JPH1: variants seen among roughly 807,000 people sequenced by gnomAD.
JPH1 encodes junctophilin 1.
JPH1 carries 12 observed loss-of-function variants against 53.6 expected under a neutral mutation model. That is an observed-to-expected ratio of 0.22 (90% CI 0.14 to 0.36). JPH1 has a LOEUF of 0.36. Among genes scored for constraint, JPH1 ranks in the 10% least tolerant of loss-of-function variants. JPH1 has a pLI of 1.00. For missense variants in JPH1, 808 were observed against 905.5 expected (o/e 0.89, Z 1.38); for synonymous variants, 375 against 363.8 (o/e 1.03, Z -0.35).
chr8:74,286,948 T>A (rs572091612), intron 2 of JPH1, among the ~76,000 whole-genome samples: 1 of 152,250 alleles, frequency 6.6e-6, no homozygotes, highest in Admixed American at 6.5e-5. Context: ...GAAAAAATAA[T>A]CAAGGCAGGC....
intron 3 of JPH1, among the ~76,000 whole-genome samples, chr8:74,257,958 T>C (rs543640633): frequency 1.3e-5 from 2 of 152,180 alleles, no homozygotes; most frequent in Admixed American, 6.5e-5. Flanking sequence ...TCTTCTTTCT[T>C]TGCAGGAACC....
intron 2 of JPH1, among the ~76,000 whole-genome samples, chr8:74,274,387 C>A (rs1188660901): frequency 6.6e-6 from 1 of 152,164 alleles, no homozygotes; most frequent in Non-Finnish European, 1.5e-5. Flanking sequence ...TTTCAAAGAC[C>A]AATTTCCAGA....
chr8:74,247,963 T>C (rs995598468), intron 3 of JPH1, among the ~76,000 whole-genome samples: 6 of 152,166 alleles, frequency 3.9e-5, no homozygotes, highest in African/African-American at 1.4e-4. Context: ...TGAGACTGAT[T>C]TGGCCGTTGG....
chr8:74,238,079 C>T (rs567949774), intron 4 of JPH1, among the ~76,000 whole-genome samples: 2 of 152,264 alleles, frequency 1.3e-5, no homozygotes, highest in Admixed American at 1.3e-4. Context: ...AAGAAGCCAC[C>T]TTTATTACAA....
Position 74,315,046 on chromosome 8 carries a change from A to G in JPH1, c.954T>C (p.Cys318=), listed in dbSNP as rs750062991. 8.1e-6 allele frequency: 13 copies of G among 1,614,192 alleles called. 1 individual carries two copies. The South Asian group carries it at 8.8e-5, about 11-fold the overall frequency. ...CTTTGGAGCCGTCAGGAAACACGGT[A>G]CAGCCATATCCATGCCTCTTGTTAT... The part of the protein sequence containing the change: ...WANNKRHGYG[C]TVFPDGSKEE... The change falls in exon 2 of 6, where the codon TGT becomes TGC. Residue 318 remains cysteine (C), a synonymous_variant. Transcript: ENST00000342232. This position sits in a 1 kb window ranked among gnomAD's most constrained non-coding sequence, Gnocchi z 6.3.
At chr8:74,299,957 G>A (rs559283861) in intron 2 of JPH1, among the ~76,000 whole-genome samples, 1 of 152,162 alleles carries the variant, frequency 6.6e-6, no homozygotes, top group African/African-American at 2.4e-5. Flanking sequence ...AAGAAAAAAA[G>A]AAAAGAAAAC....
intron 2 of JPH1, among the ~76,000 whole-genome samples, chr8:74,273,904 C>T (rs1381252185): frequency 1.3e-5 from 2 of 152,126 alleles, no homozygotes; most frequent in African/African-American, 2.4e-5. Flanking sequence ...TCTGTTGTTA[C>T]TTGAGCCTCT....
chr8:74,262,888 T>G (rs927417433), intron 2 of JPH1, among the ~76,000 whole-genome samples: 3 of 152,206 alleles, frequency 2.0e-5, no homozygotes, highest in African/African-American at 7.2e-5. Context: ...AATTTCTGAA[T>G]GCTAGGCATC....
At chr8:74,264,878 G>T (rs1280585235) in intron 2 of JPH1, among the ~76,000 whole-genome samples, 1 of 152,106 alleles carries the variant, frequency 6.6e-6, no homozygotes, top group Non-Finnish European at 1.5e-5. Flanking sequence ...TTACAGTCTG[G>T]TGCCAGGAAA....
chr8:74,288,514 T>A (rs774667240), intron 2 of JPH1, among the ~76,000 whole-genome samples: 1 of 151,528 alleles, frequency 6.6e-6, no homozygotes, highest in Non-Finnish European at 1.5e-5. Context: ...AGTCTATAAG[T>A]GGGGAGGTGG....
chr8:74,251,547 T>C (rs1398032670), intron 3 of JPH1, among the ~76,000 whole-genome samples: 2 of 152,218 alleles, frequency 1.3e-5, no homozygotes, highest in Non-Finnish European at 2.9e-5. Flanking sequence ...TTTCGGTTTA[T>C]TAGAGCTTAA....
chr8:74,263,540 C>T (rs1806451821), intron 2 of JPH1, among the ~76,000 whole-genome samples: 1 of 152,170 alleles, frequency 6.6e-6, no homozygotes, highest in Non-Finnish European at 1.5e-5. Context: ...AAGCCAAAAC[C>T]TTTGAGTCAT....
At chr8:74,261,178 A>G (rs1242053519) in intron 2 of JPH1, among the ~76,000 whole-genome samples, 1 of 152,220 alleles carries the variant, frequency 6.6e-6, no homozygotes, top group African/African-American at 2.4e-5. Flanking sequence ...GGGGGACATT[A>G]CATATTTGTC....
chr8:74,314,599 C>T (rs1018775244), intron 2 of JPH1, among the ~76,000 whole-genome samples: 2 of 152,158 alleles, frequency 1.3e-5, no homozygotes, highest in African/African-American at 4.8e-5. Flanking sequence ...AACTCCCTCA[C>T]GCTGTTAAAT....
intron 4 of JPH1, among the ~76,000 whole-genome samples, chr8:74,238,722 A>G (rs1192133330): frequency 6.6e-6 from 1 of 152,116 alleles, no homozygotes; most frequent in Admixed American, 6.5e-5. Context: ...CAGTGGTGTG[A>G]TCTCAGCTCA....
intron 1 of JPH1, among the ~76,000 whole-genome samples, chr8:74,317,442 G>C (rs1808196299): frequency 6.6e-6 from 1 of 152,122 alleles, no homozygotes; most frequent in South Asian, 2.1e-4. Context: ...AACATTTCAG[G>C]CTAAGAAGCT....
At chr8:74,301,060 A>C (rs895244699) in intron 2 of JPH1, among the ~76,000 whole-genome samples, 1 of 152,164 alleles carries the variant, frequency 6.6e-6, no homozygotes, top group African/African-American at 2.4e-5. Flanking sequence ...GGGGTATTAG[A>C]GTATCATCCA....
At chr8:74,274,183 G>A (rs917833852) in intron 2 of JPH1, among the ~76,000 whole-genome samples, 1 of 152,120 alleles carries the variant, frequency 6.6e-6, no homozygotes, top group African/African-American at 2.4e-5. Flanking sequence ...CCCACTCCCC[G>A]CTTCCTAGGT....
chr8:74,294,915 C>T (rs1807461873), intron 2 of JPH1, among the ~76,000 whole-genome samples: 1 of 152,246 alleles, frequency 6.6e-6, no homozygotes, highest in Non-Finnish European at 1.5e-5. Context: ...AGACGTGGAA[C>T]AGTTAGGCCA....
Sources: allele counts gnomAD v4.1 joint callset (sites outside exome capture counted in the v4.1 genomes callset), GRCh38; gene constraint gnomAD v4.1.1; non-coding constraint Gnocchi (gnomAD v3.1); transcripts MANE v1.5; gene names NCBI Gene and HGNC (gene_info 2026-07-23, HGNC 2026-07-21).